Variants in CHCHD6 observed in about 807,000 individuals in gnomAD.
The protein encoded by CHCHD6 is coiled-coil-helix-coiled-coil-helix domain containing 6.
In CHCHD6, 28 loss-of-function variants were observed where a neutral mutation model predicts 32.3. The observed-to-expected ratio is 0.87, with a 90% CI of 0.64 to 1.19. CHCHD6 has a LOEUF of 1.19. CHCHD6 is among the 50% of genes most tolerant of loss of function. CHCHD6 has a pLI of 0.00. For synonymous variants in CHCHD6, 122 were observed against 117.5 expected (o/e 1.04, Z -0.25); for missense variants, 333 against 307.0 (o/e 1.08, Z -0.63).
intron 4 of CHCHD6, among the ~76,000 whole-genome samples, chr3:126,802,121 G>C (rs545633139): frequency 5.3e-4 from 81 of 152,282 alleles, no homozygotes; most frequent in African/African-American, 1.9e-3. Context: ...GGAAAAAACA[G>C]AGCAGAAAAA....
chr3:126,827,640 T>C (rs761676514), intron 4 of CHCHD6, among the ~76,000 whole-genome samples: 1 of 152,224 alleles, frequency 6.6e-6, no homozygotes, highest in Non-Finnish European at 1.5e-5. Context: ...TCTTCTGAGA[T>C]GCCACTGTCA....
At chr3:126,851,012 A>G (rs939443065) in intron 4 of CHCHD6, among the ~76,000 whole-genome samples, 2 of 152,148 alleles carry the variant, frequency 1.3e-5, no homozygotes, top group Admixed American at 6.5e-5. Context: ...GATCCAGGTT[A>G]CTACTTCTTC....
chr3:126,864,373 C>G (rs1440081464), intron 5 of CHCHD6, among the ~76,000 whole-genome samples: 1 of 151,268 alleles, frequency 6.6e-6, no homozygotes, highest in Admixed American at 6.6e-5. Flanking sequence ...ATCACCACCT[C>G]CACCATCACT....
chr3:126,731,120 A>T (rs1935781202), intron 3 of CHCHD6, among the ~76,000 whole-genome samples: 1 of 151,372 alleles, frequency 6.6e-6, no homozygotes, highest in Non-Finnish European at 1.5e-5. Flanking sequence ...AAAAAAAAAA[A>T]AAAAAATCAT....
At chr3:126,765,596 G>T (rs1937336907) in intron 4 of CHCHD6, among the ~76,000 whole-genome samples, 1 of 152,238 alleles carries the variant, frequency 6.6e-6, no homozygotes, top group Non-Finnish European at 1.5e-5. Context: ...CAAAGCACAA[G>T]GTGATCAAGG....
chr3:126,804,630 A>G (rs1007788084), intron 4 of CHCHD6, among the ~76,000 whole-genome samples: 11 of 152,132 alleles, frequency 7.2e-5, no homozygotes, highest in South Asian at 2.1e-4. Flanking sequence ...ATAAGGAGGA[A>G]CTGGTACCAT....
At chr3:126,953,173 G>T (rs780978948) in intron 6 of CHCHD6, 1 of 981,496 alleles carries the variant, frequency 1.0e-6, no homozygotes, top group Non-Finnish European at 1.2e-6. Context: ...CAAAGCCAGC[G>T]CCTTGCCCCA....
intron 5 of CHCHD6, among the ~76,000 whole-genome samples, chr3:126,862,471 A>C (rs1941958725): frequency 8.7e-6 from 1 of 115,004 alleles, no homozygotes; most frequent in African/African-American, 3.3e-5. Context: ...CACCATCACC[A>C]CCTCCTCCTC....
intron 5 of CHCHD6, among the ~76,000 whole-genome samples, chr3:126,867,363 T>C (rs768098531): frequency 6.6e-6 from 1 of 152,202 alleles, no homozygotes; most frequent in Non-Finnish European, 1.5e-5. Flanking sequence ...TACATGAATA[T>C]GCAGCATTTC....
intron 5 of CHCHD6, among the ~76,000 whole-genome samples, chr3:126,877,837 G>T (rs561540655): frequency 6.6e-6 from 1 of 152,342 alleles, no homozygotes; most frequent in East Asian, 1.9e-4. Context: ...ACATGGGATT[G>T]TCTGAATTAT....
intron 6 of CHCHD6, among the ~76,000 whole-genome samples, chr3:126,941,819 G>A (rs2078564677): frequency 6.6e-6 from 1 of 152,048 alleles, no homozygotes; most frequent in Admixed American, 6.6e-5. Context: ...CATGCACCAT[G>A]GGCCTCCCAA....
At chr3:126,862,291 T>A (rs1387921676) in intron 5 of CHCHD6, among the ~76,000 whole-genome samples, 3 of 99,970 alleles carry the variant, frequency 3.0e-5, no homozygotes, top group South Asian at 4.0e-4. Context: ...CATCACCACC[T>A]CCTCCTCCTC....
At chr3:126,925,703 G>A (rs734506) in intron 6 of CHCHD6, among the ~76,000 whole-genome samples, 87,753 of 152,030 alleles carry the variant, frequency 0.58, 26,693 homozygotes, top group Non-Finnish European at 0.68. Flanking sequence ...TCTCTTGGAC[G>A]CTGCTTAGAG....
Position 126,799,958 on chromosome 3 carries a change from C to G in CHCHD6, c.412-52689C>G, listed in dbSNP as rs377743424. Among the ~76,000 whole-genome samples, 166 of 152,238 alleles carry G rather than the reference C, an allele frequency of 1.1e-3. 2 individuals carry two copies. The South Asian group carries it at 0.033, about 30-fold the overall frequency. On this transcript the variant is annotated intron_variant, in intron 4 of 7. Coordinates refer to ENST00000290913, the MANE Select transcript of CHCHD6 (RefSeq NM_032343.3). Reference sequence around the variant, plus strand: ...AATACAGGTCTACCCCATCATTTTTCAAGTTTGCATAGTATTTCATAATTG... The same window carrying G: ...AATACAGGTCTACCCCATCATTTTTGAAGTTTGCATAGTATTTCATAATTG...
At chr3:126,773,961 C>T (rs776287826) in intron 4 of CHCHD6, among the ~76,000 whole-genome samples, 1 of 152,082 alleles carries the variant, frequency 6.6e-6, no homozygotes, top group Non-Finnish European at 1.5e-5. Context: ...CTGCCTGTCC[C>T]ACCATTTTTC....
intron 6 of CHCHD6, 134 bp from the exon 7 acceptor site, chr3:126,957,282 G>A: frequency 1.0e-6 from 1 of 971,510 alleles, no homozygotes; most frequent in Non-Finnish European, 1.5e-6. Context: ...TTCTCCTTGA[G>A]GGTTAAAAGG....
intron 1 of CHCHD6, among the ~76,000 whole-genome samples, chr3:126,712,193 C>G (rs573190231): frequency 6.6e-6 from 1 of 152,328 alleles, no homozygotes; most frequent in Admixed American, 6.5e-5. Context: ...GTGAGAATGA[C>G]AGCAGGGGAC....
At chr3:126,732,529 G>A (rs1159602880) in intron 3 of CHCHD6, among the ~76,000 whole-genome samples, 3 of 152,162 alleles carry the variant, frequency 2.0e-5, no homozygotes, top group African/African-American at 7.2e-5. Flanking sequence ...TCTTTAGCTT[G>A]ACCTTGATTT....
At chr3:126,940,496 G>T (rs1303322573) in intron 6 of CHCHD6, among the ~76,000 whole-genome samples, 1 of 151,946 alleles carries the variant, frequency 6.6e-6, no homozygotes, top group Admixed American at 6.5e-5. Flanking sequence ...AATATAATCG[G>T]CACTGTGACA....
Sources: gnomAD v4.1 joint callset for allele counts (sites outside exome capture counted in the v4.1 genomes callset) on GRCh38, gnomAD v4.1.1 for gene constraint, MANE v1.5 for transcripts, NCBI Gene and HGNC (gene_info 2026-07-23, HGNC 2026-07-21) for gene names.